The following SH3GL2 variants were observed in gnomAD, a reference collection of about 807,000 sequenced individuals.
SH3GL2 encodes endophilin-A1.
A neutral mutation model predicts 46.0 loss-of-function variants in SH3GL2; 24 were observed. That is an observed-to-expected ratio of 0.52 (90% CI 0.38 to 0.73). The LOEUF (loss-of-function observed/expected upper bound fraction) is 0.73, where lower values mean the gene tolerates loss of function less well. SH3GL2 is among the 30% of genes least tolerant of loss of function. The pLI is 0.00. For missense variants in SH3GL2, 413 were observed against 424.2 expected, an observed-to-expected ratio of 0.97 and a Z score of 0.23; for synonymous variants, 196 against 147.1, an observed-to-expected ratio of 1.33 and a Z score of -2.40.
chr9:17,672,037 C>T (rs907664891), intron 1 of SH3GL2, among the ~76,000 whole-genome samples: 7 of 152,224 alleles, frequency 4.6e-5, no homozygotes, highest in African/African-American at 1.7e-4. Flanking sequence ...AATATCAGAG[C>T]CCAGTGTGTT....
At chr9:17,640,680 T>A (rs1244268440) in intron 1 of SH3GL2, among the ~76,000 whole-genome samples, 2 of 152,212 alleles carry the variant, frequency 1.3e-5, no homozygotes, top group African/African-American at 4.8e-5. Flanking sequence ...TGTTTCTCCA[T>A]AACACTTCTC....
At chr9:17,692,978 G>C (rs1483195738) in intron 1 of SH3GL2, among the ~76,000 whole-genome samples, 2 of 152,076 alleles carry the variant, frequency 1.3e-5, no homozygotes, top group African/African-American at 2.4e-5. Flanking sequence ...GGAGAGACCA[G>C]CTATTCAGTT....
chr9:17,579,539 G>A (rs1320882193), intron 1 of SH3GL2, among the ~76,000 whole-genome samples: 2 of 152,104 alleles, frequency 1.3e-5, no homozygotes, highest in Non-Finnish European at 2.9e-5. Flanking sequence ...TGGTAGCGCT[G>A]CTCGCCGCCC....
At chr9:17,683,461 T>G (rs191880157) in intron 1 of SH3GL2, among the ~76,000 whole-genome samples, 1 of 152,134 alleles carries the variant, frequency 6.6e-6, no homozygotes, top group East Asian at 1.9e-4. Flanking sequence ...GGAGACCTAT[T>G]TCAGCTAGGG....
chr9:17,663,704 T>A (rs1213477653), intron 1 of SH3GL2, among the ~76,000 whole-genome samples: 1 of 152,236 alleles, frequency 6.6e-6, no homozygotes, highest in Non-Finnish European at 1.5e-5. Context: ...AACAATTTAA[T>A]CCATGCTTCA....
chr9:17,786,866 G>T (rs1162230282), intron 4 of SH3GL2, among the ~76,000 whole-genome samples: 1 of 152,080 alleles, frequency 6.6e-6, no homozygotes, highest in Non-Finnish European at 1.5e-5. Context: ...ATGATTCAAA[G>T]CCCTCCCTGC....
chr9:17,660,402 G>A (rs756368137), intron 1 of SH3GL2, among the ~76,000 whole-genome samples: 2 of 152,146 alleles, frequency 1.3e-5, no homozygotes, highest in African/African-American at 2.4e-5. Flanking sequence ...GTTCTACCCT[G>A]ACTGTTCATG....
At chr9:17,787,332 G>A (rs1252276567) in intron 4 of SH3GL2, 48 bp from the exon 5 acceptor site, 2 of 1,550,420 alleles carry the variant, frequency 1.3e-6, no homozygotes, top group Middle Eastern at 1.7e-4. Context: ...TATTGCGAGT[G>A]CATTTCATCT....
intron 1 of SH3GL2, chr9:17,653,990 T>TACA: frequency 4.0e-6 from 1 of 252,032 alleles, no homozygotes; most frequent in Non-Finnish European, 6.3e-6. Context: ...GTGTGCTGTA[T>TACA]TCACACAGCA....
At chr9:17,641,611 C>T (rs1375632257) in intron 1 of SH3GL2, among the ~76,000 whole-genome samples, 1 of 152,102 alleles carries the variant, frequency 6.6e-6, no homozygotes, top group Non-Finnish European at 1.5e-5. Flanking sequence ...CCCTGACAGG[C>T]CCCAGTGTGT....
chr9:17,764,212 A>G (rs988766046), intron 3 of SH3GL2, among the ~76,000 whole-genome samples: 2 of 152,192 alleles, frequency 1.3e-5, no homozygotes, highest in Admixed American at 6.5e-5. Context: ...AGTAAGTACT[A>G]CCCAGAAGAG....
At chr9:17,672,285 C>T (rs188475155) in intron 1 of SH3GL2, among the ~76,000 whole-genome samples, 21 of 152,176 alleles carry the variant, frequency 1.4e-4, no homozygotes, top group African/African-American at 4.8e-4. Context: ...TCCAGGCAAC[C>T]AAACACACAA....
intron 1 of SH3GL2, among the ~76,000 whole-genome samples, chr9:17,690,846 A>G (rs1023235757): frequency 2.2e-4 from 33 of 152,108 alleles, no homozygotes; most frequent in African/African-American, 8.0e-4. Flanking sequence ...AAGGCCAGGG[A>G]ATTTGTTCAT....
intron 2 of SH3GL2, among the ~76,000 whole-genome samples, chr9:17,754,588 G>C (rs1266488554): frequency 6.6e-6 from 1 of 152,130 alleles, no homozygotes; most frequent in African/African-American, 2.4e-5. Flanking sequence ...CAGGAGAATG[G>C]CTTGAACCCA....
intron 1 of SH3GL2, among the ~76,000 whole-genome samples, chr9:17,664,886 T>A (rs1820304574): frequency 6.6e-6 from 1 of 152,038 alleles, no homozygotes. Context: ...CAAGGGAATA[T>A]TTACGAAGAG....
intron 6 of SH3GL2, among the ~76,000 whole-genome samples, chr9:17,790,580 C>G (rs1351547661): frequency 1.3e-5 from 2 of 152,174 alleles, no homozygotes; most frequent in African/African-American, 2.4e-5. Context: ...CACAGCACCC[C>G]TCCCCATCCC....
chr9:17,756,895 T>G (rs9407834), intron 2 of SH3GL2, among the ~76,000 whole-genome samples: 2 of 152,080 alleles, frequency 1.3e-5, no homozygotes, highest in African/African-American at 2.4e-5. Flanking sequence ...CCTGAGGAAT[T>G]GCCACACTGT....
intron 1 of SH3GL2, among the ~76,000 whole-genome samples, chr9:17,727,779 T>C (rs1462019677): frequency 6.6e-6 from 1 of 152,166 alleles, no homozygotes; most frequent in East Asian, 1.9e-4. Flanking sequence ...TTTGCCTAAC[T>C]TGGTGACCGG....
At chr9:17,587,897 A>G (rs993456919) in intron 1 of SH3GL2, among the ~76,000 whole-genome samples, 1 of 144,842 alleles carries the variant, frequency 6.9e-6, no homozygotes, top group Non-Finnish European at 1.5e-5. Flanking sequence ...AAAAACAAAA[A>G]CCAAAAAAAA....
Sources: gnomAD v4.1 joint callset for allele counts (sites outside exome capture counted in the v4.1 genomes callset) on GRCh38, gnomAD v4.1.1 for gene constraint, MANE v1.5 for transcripts, NCBI Gene and HGNC (gene_info 2026-07-23, HGNC 2026-07-21) for gene names.